Variants in MED21 observed in about 807,000 individuals in gnomAD.
The protein encoded by MED21 is mediator complex subunit 21.
Under a neutral mutation model 18.2 loss-of-function variants are expected in MED21, and 9 were observed. The observed-to-expected ratio is 0.49, with a 90% CI of 0.30 to 0.86. The LOEUF (loss-of-function observed/expected upper bound fraction) is 0.86. Among genes scored for constraint, MED21 ranks in the 40% least tolerant of loss-of-function variants. MED21 has a pLI of 0.07. For synonymous variants in MED21, 73 were observed against 60.5 expected (o/e 1.21, Z -0.96); for missense variants, 150 against 170.9 (o/e 0.88, Z 0.68).
At chr12:27,038,270 TG>T (rs888678844) in intron 2 of MED21, 25 of 152,148 alleles carry the variant, frequency 1.6e-4, no homozygotes, top group African/African-American at 4.6e-4. Context: ...AAAAACACGT[TG>T]TTTTTTTTTT....
In MED21 at chr12:27,030,026, T is replaced by C; in HGVS notation, c.*1565T>C. The C allele has an allele frequency of 2.3e-6, 1 of 433,308 alleles. No individual in the cohort carries two copies. The highest frequency in any genetic ancestry group is 4.1e-6 in the Non-Finnish European group (1 of 243,780). 26.8% of individuals were successfully genotyped at this position (433,308 alleles called of 1,614,324 possible). ...AAGAAGGCATAATGTATAGGGTAAA[T>C]ATAATAGACTTCTCTTGAGGTTTTA... On this transcript the variant is annotated 3_prime_UTR_variant, in exon 4 of 4. Coordinates refer to ENST00000282892, the MANE Select transcript of MED21 (RefSeq NM_004264.5).
chr12:27,036,919 T>C (rs530724224), intron 2 of MED21, among the ~76,000 whole-genome samples: 1 of 152,342 alleles, frequency 6.6e-6, no homozygotes, highest in South Asian at 2.1e-4. Context: ...CTTGGAGATG[T>C]GGGTTCCTTT....
chr12:27,035,883 G>T, intron 2 of MED21, among the ~76,000 whole-genome samples: 1 of 151,752 alleles, frequency 6.6e-6, no homozygotes, highest in Non-Finnish European at 1.5e-5. Context: ...ATTGTGAATA[G>T]TGCCGCAATA....
chr12:27,030,083 T>A lies in MED21; in HGVS notation c.*1622T>A. 2.1e-6 allele frequency: 1 copy of A among 470,072 alleles called. No individual in the cohort carries two copies. The highest frequency in any genetic ancestry group is 3.8e-6 in the Non-Finnish European group (1 of 261,136). The allele number at this position is 470,072 out of a possible 1,614,324, so 29.1% of individuals were successfully genotyped here. On this transcript the variant is annotated 3_prime_UTR_variant, in exon 4 of 4. Coordinates refer to ENST00000282892, the MANE Select transcript of MED21 (RefSeq NM_004264.5). Reference sequence around the variant, plus strand: ...ACATTTGTTATTTGAAAGAAAAAAATTAACGTTGTTGTATGTGATTCTCTG... The same window carrying A: ...ACATTTGTTATTTGAAAGAAAAAAAATAACGTTGTTGTATGTGATTCTCTG...
chr12:27,022,920 A>T, intron 1 of MED21: 1 of 1,279,858 alleles, frequency 7.8e-7, no homozygotes, highest in Non-Finnish European at 1.0e-6. Context: ...GTGTTCCCTG[A>T]GGACAGTTTT....
chr12:27,028,044 T>C (rs1941567594), intron 3 of MED21, among the ~76,000 whole-genome samples: 1 of 152,226 alleles, frequency 6.6e-6, no homozygotes, highest in South Asian at 2.1e-4. Context: ...AGTAGAATAA[T>C]GGTGTCTAAA....
At chr12:27,032,002 G>A (rs1452441935), downstream of MED21, among the ~76,000 whole-genome samples, 1 of 152,156 alleles carries the variant, frequency 6.6e-6, no homozygotes, top group African/African-American at 2.4e-5. Flanking sequence ...TGACCTTACT[G>A]CCTGGTACCC....
intron 2 of MED21, 32 bp from the exon 3 acceptor site, chr12:27,027,315 T>C: frequency 1.3e-6 from 2 of 1,496,710 alleles, no homozygotes; most frequent in Non-Finnish European, 1.8e-6. Context: ...TGAGGTTTTC[T>C]AATATCCTAA....
At chr12:27,026,935 C>CT (rs1219521160) in intron 2 of MED21, among the ~76,000 whole-genome samples, 62 of 147,508 alleles carry the variant, frequency 4.2e-4, no homozygotes, top group Admixed American at 8.1e-4. Context: ...TTAGAATCTT[C>CT]TTTTTTTTTT....
downstream of MED21, among the ~76,000 whole-genome samples, chr12:27,033,740 G>T (rs1490545344): frequency 2.0e-5 from 3 of 152,152 alleles, no homozygotes; most frequent in South Asian, 4.2e-4. Flanking sequence ...CCAATACTAA[G>T]AGATAAAACT....
chr12:27,026,317 T>C, intron 1 of MED21, 103 bp from the exon 2 acceptor site: 1 of 663,438 alleles, frequency 1.5e-6, no homozygotes, highest in Non-Finnish European at 2.6e-6. Context: ...ATTCCCTTGC[T>C]CAGAGATTAT....
rs1416875601 is a variant in MED21 at position 27,028,653 on chromosome 12, T to G, written c.*192T>G. 11 of 1,263,956 alleles carry G rather than the reference T, an allele frequency of 8.7e-6. No individual in the cohort carries two copies. Among genetic ancestry groups the G allele is most frequent in the Non-Finnish European group, 1.0e-5 (10 of 1,001,328 alleles). The allele number at this position is 1,263,956 out of a possible 1,614,324, so 78.3% of individuals were successfully genotyped here. On this transcript the variant is annotated 3_prime_UTR_variant, in exon 4 of 4. Transcript: ENST00000282892. ...CTTATAAAATCATGATTGAATCAGC[T>G]TTAAAGCATCATACCATCATTTTTT... is the stretch of plus-strand genomic sequence containing the variant.
intron 1 of MED21, among the ~76,000 whole-genome samples, chr12:27,023,386 G>A (rs761951162): frequency 1.5e-5 from 2 of 130,722 alleles, no homozygotes; most frequent in African/African-American, 2.8e-5. Context: ...TGCATCCTCC[G>A]CCTCCCGGGT....
At position 27,028,789 on chromosome 12, in the gene MED21, AG is replaced by A; in HGVS notation, c.*329del. The A allele has an allele frequency of 3.0e-6, 3 of 1,008,226 alleles. No homozygotes were observed. The highest frequency in any genetic ancestry group is 9.4e-5 in the East Asian group (1 of 10,656). 62.5% of individuals were successfully genotyped at this position (1,008,226 alleles called of 1,614,324 possible). A position where few individuals can be genotyped will look rare whatever the true frequency, so the allele number is the denominator to read the frequency against. On this transcript the variant is annotated 3_prime_UTR_variant, in exon 4 of 4. Coordinates refer to ENST00000282892, the MANE Select transcript of MED21 (RefSeq NM_004264.5). ...ATGTCTCCATTTTGTTGTATTGGCC[AG>A]TACTTTTACAAATCAAAACATCTCT... is the stretch of plus-strand genomic sequence containing the variant.
Position 27,028,265 on chromosome 12 carries a change from A to G in MED21, c.259-20A>G. 1 of 1,578,162 alleles carries G rather than the reference A, an allele frequency of 6.3e-7. No homozygotes were observed. ...TCTCTTTCTAAACTCTAAAGATTTT[A>G]AAATTTGTGTCTTATAAAGGCTGCT... is the stretch of plus-strand genomic sequence containing the variant. On this transcript the variant is annotated intron_variant, in intron 3 of 3. Transcript: ENST00000282892.
downstream of MED21, among the ~76,000 whole-genome samples, chr12:27,034,558 C>T (rs1565482284): frequency 1.3e-5 from 2 of 152,300 alleles, no homozygotes; most frequent in African/African-American, 4.8e-5. Context: ...GCTATCCTCC[C>T]ACCTCAGCCT....
chr12:27,035,338 A>C (rs1941643301), downstream of MED21, among the ~76,000 whole-genome samples: 1 of 152,190 alleles, frequency 6.6e-6, no homozygotes, highest in Admixed American at 6.5e-5. Context: ...AGTTTTATAC[A>C]GAAAGTATAA....
chr12:27,023,546 C>G lies in MED21; in HGVS notation c.42+925C>G, dbSNP rs181436600. ...TCCCGGCCTCAAGCGATCCTCCCGC[C>G]TCGGCCTCCCATAGTGCTGGGATTA... On this transcript the variant is annotated intron_variant, in intron 1 of 3. Transcript: ENST00000282892. Among the ~76,000 whole-genome samples the G allele has an allele frequency of 1.3e-4, 20 of 152,168 alleles. No individual in the cohort carries two copies. The Middle Eastern group carries it at 0.01, about 78-fold the overall frequency.
Position 27,026,503 on chromosome 12 carries a change from T to C in MED21, c.126T>C (p.Ile42=), listed in dbSNP as rs989796115. The part of the protein sequence containing the change: ...PASFNNIQTA[I]NKDQPANPTE... ...CTTTCAATAATATTCAGACAGCAAT[T>C]AACAAAGACCAGCCAGCTAACCCTA... Residue 42 remains isoleucine (I), a synonymous_variant, in exon 2 of 4, where the codon ATT becomes ATC. Transcript: ENST00000282892. The C allele has an allele frequency of 6.2e-7, 1 of 1,613,800 alleles. No individual in the cohort carries two copies. The highest frequency in any genetic ancestry group is 8.5e-7 in the Non-Finnish European group (1 of 1,179,788).
Sources: gnomAD v4.1 joint callset for allele counts (sites outside exome capture counted in the v4.1 genomes callset) on GRCh38, gnomAD v4.1.1 for gene constraint, MANE v1.5 for transcripts, NCBI Gene and HGNC (gene_info 2026-07-23, HGNC 2026-07-21) for gene names.